Variants in GATAD2A observed in about 807,000 individuals in gnomAD.
GATAD2A encodes the protein GATA zinc finger domain containing 2A, also known as transcriptional repressor p66-alpha.
GATAD2A carries 12 observed loss-of-function variants against 68.5 expected under a neutral mutation model. The ratio of observed to expected loss-of-function variants is 0.18; its 90% CI spans 0.11 to 0.28. The LOEUF (loss-of-function observed/expected upper bound fraction) is 0.28, where lower values mean the gene tolerates loss of function less well. Ranked by LOEUF, GATAD2A falls within the 10% of genes least tolerant of loss-of-function variation. The pLI is 1.00. For missense variants in GATAD2A, 755 were observed against 868.5 expected (o/e 0.87, Z 1.64); for synonymous variants, 410 against 375.3 (o/e 1.09, Z -1.07).
At chr19:19,499,188 G>A (rs1286793473) in intron 8 of GATAD2A, among the ~76,000 whole-genome samples, 2 of 152,214 alleles carry the variant, frequency 1.3e-5, no homozygotes, top group African/African-American at 4.8e-5. Flanking sequence ...CAGCGTGGGA[G>A]TGCACTGTGT....
chr19:19,491,814 G>A (rs1449588095), intron 2 of GATAD2A, among the ~76,000 whole-genome samples: 2 of 152,204 alleles, frequency 1.3e-5, no homozygotes, highest in Non-Finnish European at 2.9e-5. Context: ...TCTGGTTCAC[G>A]CAGGGAGCTG....
intron 1 of GATAD2A, chr19:19,429,149 C>T (rs776001946): frequency 8.2e-5 from 80 of 979,176 alleles, no homozygotes; most frequent in Non-Finnish European, 9.0e-5. Flanking sequence ...GATGCGCAAG[C>T]GCCTTGTGTC....
chr19:19,427,202 G>A (rs1251437005), intron 1 of GATAD2A, among the ~76,000 whole-genome samples: 1 of 152,156 alleles, frequency 6.6e-6, no homozygotes, highest in African/African-American at 2.4e-5. Flanking sequence ...AAGTTCTGGA[G>A]ATGGATGGAT....
chr19:19,431,935 A>G (rs562043542), intron 1 of GATAD2A, among the ~76,000 whole-genome samples: 14 of 152,002 alleles, frequency 9.2e-5, no homozygotes, highest in African/African-American at 2.9e-4. Context: ...CATTTGAGCA[A>G]AGGCAGGGGT....
At chr19:19,501,766 C>T (rs1326269882) in intron 9 of GATAD2A, among the ~76,000 whole-genome samples, 1 of 152,200 alleles carries the variant, frequency 6.6e-6, no homozygotes. Context: ...CTCCTTCCCA[C>T]CCTCTTGTAG....
At chr19:19,457,159 C>CT (rs1327690930) in intron 1 of GATAD2A, 1 of 985,292 alleles carries the variant, frequency 1.0e-6, no homozygotes, top group Non-Finnish European at 1.2e-6. Context: ...GACTGACACT[C>CT]TTGCAGAAGT....
chr19:19,491,818 G>A (rs561186856), intron 2 of GATAD2A, among the ~76,000 whole-genome samples: 203 of 152,336 alleles, frequency 1.3e-3, no homozygotes, highest in Middle Eastern at 3.4e-3. Flanking sequence ...GTTCACGCAG[G>A]GAGCTGGGCT....
rs2033481 is a variant in GATAD2A, at chr19:19,506,325, G to A, written c.*851G>A. 20,691 of 397,634 alleles carry A rather than the reference G, an allele frequency of 0.052. 702 individuals are homozygous for A. Among genetic ancestry groups the A allele is most frequent in the East Asian group, 0.098 (2,744 of 28,042 alleles). 24.6% of individuals were successfully genotyped at this position (397,634 alleles called of 1,614,324 possible). A position where few individuals can be genotyped will look rare whatever the true frequency, so the allele number is the denominator to read the frequency against. On this transcript the variant is annotated 3_prime_UTR_variant, in exon 12 of 12. Transcript: ENST00000683918. The stretch of plus-strand genomic sequence containing the variant: ...CCATTAAGGGAGAAGGAGAGGATCC[G>A]GTCGGCAGCAGCCCTGAGCAGAAAG...
intron 1 of GATAD2A, among the ~76,000 whole-genome samples, chr19:19,432,132 C>T (rs1041604604): frequency 1.3e-5 from 2 of 151,682 alleles, no homozygotes; most frequent in Non-Finnish European, 2.9e-5. Flanking sequence ...TGTGCCACCA[C>T]GGTTGGCTAA....
rs1047544216 is a variant in GATAD2A, at chr19:19,506,021, C to A, written c.*547C>A. The A allele has an allele frequency of 2.5e-6, 1 of 398,704 alleles. No homozygotes were observed. The highest frequency in any genetic ancestry group is 4.4e-6 in the Non-Finnish European group (1 of 226,048). The allele number at this position is 398,704 out of a possible 1,614,324, so 24.7% of individuals were successfully genotyped here. On this transcript the variant is annotated 3_prime_UTR_variant, in exon 12 of 12. Coordinates refer to ENST00000683918, the MANE Select transcript of GATAD2A (RefSeq NM_001384528.1). ...CATGATGATGGAGTTAAAAGTAAAC[C>A]GTGCAGACCCTGGGGTCCCTGTTGT... is the stretch of plus-strand genomic sequence containing the variant.
intron 1 of GATAD2A, among the ~76,000 whole-genome samples, chr19:19,447,003 A>G (rs1001986138): frequency 1.3e-5 from 2 of 152,256 alleles, no homozygotes; most frequent in South Asian, 2.1e-4. Flanking sequence ...ATGCGTATAC[A>G]TTGCTTCTTC....
Position 19,465,331 on chromosome 19 carries a change from C to T in GATAD2A, c.-6-9C>T, listed in dbSNP as rs2057785901. The T allele has an allele frequency of 6.2e-7, 1 of 1,610,798 alleles. No individual in the cohort carries two copies. The highest frequency in any genetic ancestry group is 8.5e-7 in the Non-Finnish European group (1 of 1,177,140). ...AGTTAAAATGTTGTGTCTTCTCCTC[C>T]CTCCCAAGTTCAGAATGACCGAAGA... is the stretch of plus-strand genomic sequence containing the variant. On this transcript the variant is annotated splice_polypyrimidine_tract_variant and intron_variant, in intron 1 of 11. Coordinates refer to ENST00000683918, the MANE Select transcript of GATAD2A (RefSeq NM_001384528.1).
At chr19:19,386,391 T>C (rs1403157139) in intron 1 of GATAD2A, among the ~76,000 whole-genome samples, 3 of 151,156 alleles carry the variant, frequency 2.0e-5, no homozygotes, top group Non-Finnish European at 4.4e-5. Context: ...CTCCCTCCTC[T>C]CCAGGAGACC....
chr19:19,505,263 GTCTAGGCAGCTATGGCTGGGC>G, intron 11 of GATAD2A, 60 bp from the exon 12 acceptor site: 1 of 1,397,632 alleles, frequency 7.2e-7, no homozygotes, highest in Non-Finnish European at 1.0e-6. Context: ...TGGGGCTGGG[GTCTAGGCAGCTATGGCTGGGC>G]TCCTCCCAGG....
intron 1 of GATAD2A, among the ~76,000 whole-genome samples, chr19:19,397,517 A>C (rs1191724034): frequency 6.6e-6 from 1 of 152,038 alleles, no homozygotes; most frequent in African/African-American, 2.4e-5. Context: ...GAGCCTCCGT[A>C]CCGGGCCTTA....
rs2060593731 is a variant in GATAD2A at position 19,502,384 on chromosome 19, C to T, written c.1632C>T (p.His544=). The T allele has an allele frequency of 2.5e-6, 4 of 1,613,548 alleles. No individual in the cohort carries two copies. The highest frequency in any genetic ancestry group is 1.3e-5 in the African/African-American group (1 of 74,936). ...GSATTPRGVL[H]TFSPSPKLQN... ...CCACGACGCCCCGAGGTGTCCTGCA[C>T]ACGTTCAGTCCGTCACCCAAACTGC... Residue 544 remains histidine, a synonymous_variant, in exon 11 of 12, where the codon CAC becomes CAT. Coordinates refer to ENST00000683918, the MANE Select transcript of GATAD2A (RefSeq NM_001384528.1).
chr19:19,450,674 G>A (rs1276904413), intron 1 of GATAD2A, among the ~76,000 whole-genome samples: 3 of 148,692 alleles, frequency 2.0e-5, no homozygotes, highest in African/African-American at 7.5e-5. Context: ...TTTCTTCATC[G>A]TGTTCAGGTG....
In GATAD2A at chr19:19,505,380, T is replaced by G; in HGVS notation, c.1811T>G (p.Val604Gly). The change falls in exon 12 of 12, where the codon GTG (valine) becomes GGG (glycine). Residue 604 changes from valine to glycine, a missense_variant. Val to Gly is a moderately radical substitution (Grantham distance 109). Coordinates refer to ENST00000683918, the MANE Select transcript of GATAD2A (RefSeq NM_001384528.1). Reference protein sequence around the residue: ...TLAFVSPSLAVHKSSSAVDRQ... With the variant: ...TLAFVSPSLAGHKSSSAVDRQ... ...GCGTTTGTCAGCCCAAGCCTGGCGG[T>G]GCACAAGAGCTCCTCGGCCGTGGAC... The G allele has an allele frequency of 6.2e-7, 1 of 1,613,216 alleles. No individual in the cohort carries two copies. Among genetic ancestry groups the G allele is most frequent in the Middle Eastern group, 1.7e-4 (1 of 6,058 alleles).
chr19:19,462,111 G>A (rs144288067), intron 1 of GATAD2A, among the ~76,000 whole-genome samples: 2 of 152,308 alleles, frequency 1.3e-5, no homozygotes, highest in African/African-American at 4.8e-5. Flanking sequence ...GTGTTCTAAT[G>A]TACCCCCCAC....
Sources: gnomAD v4.1 joint callset for allele counts (sites outside exome capture counted in the v4.1 genomes callset) on GRCh38, gnomAD v4.1.1 for gene constraint, MANE v1.5 for transcripts, NCBI Gene and HGNC (gene_info 2026-07-23, HGNC 2026-07-21) for gene names.